Variants in RBPMS observed in about 807,000 individuals in gnomAD.
RBPMS encodes the protein RNA-binding protein with multiple splicing.
RBPMS carries 7 observed loss-of-function variants against 26.8 expected under a neutral mutation model. The ratio of observed to expected loss-of-function variants is 0.26; its 90% CI spans 0.15 to 0.49. The LOEUF is 0.49. Among genes scored for constraint, RBPMS ranks in the 20% least tolerant of loss-of-function variants. The pLI is 0.98. For synonymous variants in RBPMS, 96 were observed against 93.3 expected (o/e 1.03, Z -0.17); for missense variants, 186 against 250.0 (o/e 0.74, Z 1.73).
At chr8:30,490,285 TATTGTA>T (rs1819248988) in intron 4 of RBPMS, among the ~76,000 whole-genome samples, 2 of 152,208 alleles carry the variant, frequency 1.3e-5, no homozygotes, top group Non-Finnish European at 1.5e-5. Context: ...GCCTATAAAA[TATTGTA>T]ACCTGAACAA....
intron 4 of RBPMS, among the ~76,000 whole-genome samples, chr8:30,479,987 A>G (rs1818107417): frequency 6.6e-6 from 1 of 151,796 alleles, no homozygotes; most frequent in Non-Finnish European, 1.5e-5. Flanking sequence ...GACTTTTACC[A>G]GTATTGTTTT....
chr8:30,546,768 T>C (rs1825897945), intron 6 of RBPMS, among the ~76,000 whole-genome samples: 1 of 152,224 alleles, frequency 6.6e-6, no homozygotes, highest in South Asian at 2.1e-4. Context: ...TTAAATGTAT[T>C]TGTCCAGTAT....
Position 30,520,367 on chromosome 8 carries a change from C to G in RBPMS, c.397+15931C>G, listed in dbSNP as rs191250438. Among the ~76,000 whole-genome samples, 292 of 152,102 alleles carry G rather than the reference C, an allele frequency of 1.9e-3. 2 individuals are homozygous for G. Among genetic ancestry groups the G allele is most frequent in the African/African-American group, 6.8e-3 (281 of 41,496 alleles). ...TGTTGCATCGTTGTTGTTATTGTTTCCCCTTTCCCTACTTTTGAGTATCAT... is the reference window on the plus strand; with the variant it reads ...TGTTGCATCGTTGTTGTTATTGTTTGCCCTTTCCCTACTTTTGAGTATCAT... On this transcript the variant is annotated intron_variant, in intron 5 of 8. Coordinates refer to ENST00000397323, the MANE Select transcript of RBPMS (RefSeq NM_001008710.3).
intron 7 of RBPMS, among the ~76,000 whole-genome samples, chr8:30,561,146 A>G (rs1341208766): frequency 2.0e-5 from 3 of 152,146 alleles, no homozygotes; most frequent in African/African-American, 4.8e-5. Context: ...GTGAATTCTA[A>G]AAGTTTGCTT....
At chr8:30,565,090 CTGAT>C (rs1455129484) in intron 7 of RBPMS, 1 of 152,162 alleles carries the variant, frequency 6.6e-6, no homozygotes, top group Non-Finnish European at 1.5e-5. Flanking sequence ...GTTGGGTGAG[CTGAT>C]TGATAGGTTT....
chr8:30,386,446 A>C (rs189677791), intron 1 of RBPMS, among the ~76,000 whole-genome samples: 15 of 152,358 alleles, frequency 9.8e-5, no homozygotes, highest in African/African-American at 3.4e-4. Flanking sequence ...GAAAACCTAA[A>C]TGAATTGCAG....
At chr8:30,453,652 A>T (rs1814866490) in intron 1 of RBPMS, 1 of 152,170 alleles carries the variant, frequency 6.6e-6, no homozygotes, top group African/African-American at 2.4e-5. Context: ...TCTGTTTCTT[A>T]TACAAAAGGG....
At chr8:30,489,741 C>CTA (rs1819187685) in intron 4 of RBPMS, among the ~76,000 whole-genome samples, 1 of 152,148 alleles carries the variant, frequency 6.6e-6, no homozygotes, top group Non-Finnish European at 1.5e-5. Context: ...CCGTGCCTGG[C>CTA]TAAAGTCTTT....
chr8:30,434,486 T>C (rs1425966226), intron 1 of RBPMS, among the ~76,000 whole-genome samples: 2 of 151,964 alleles, frequency 1.3e-5, no homozygotes, highest in African/African-American at 4.8e-5. Flanking sequence ...GGTGGATCAC[T>C]TGAGGTCAGA....
intron 5 of RBPMS, among the ~76,000 whole-genome samples, chr8:30,507,220 T>C (rs1821162634): frequency 6.6e-6 from 1 of 152,218 alleles, no homozygotes; most frequent in Non-Finnish European, 1.5e-5. Context: ...CTGCCAATTA[T>C]TGACAAGCTT....
intron 1 of RBPMS, among the ~76,000 whole-genome samples, chr8:30,425,651 C>T (rs763597759): frequency 5.3e-5 from 8 of 152,004 alleles, no homozygotes; most frequent in African/African-American, 1.7e-4. Flanking sequence ...CTGCCCACCT[C>T]GGCCTCCCAG....
intron 1 of RBPMS, among the ~76,000 whole-genome samples, chr8:30,388,468 CT>C (rs372852945): frequency 2.5e-5 from 3 of 121,700 alleles, no homozygotes; most frequent in African/African-American, 3.0e-5. Context: ...TAACTTATAA[CT>C]TATAGCTATA....
At chr8:30,507,747 T>G (rs1053660614) in intron 5 of RBPMS, among the ~76,000 whole-genome samples, 1 of 152,234 alleles carries the variant, frequency 6.6e-6, no homozygotes, top group East Asian at 1.9e-4. Flanking sequence ...GAATGTAGTA[T>G]TCTATAATAA....
chr8:30,495,828 C>CA (rs140485622), intron 4 of RBPMS, among the ~76,000 whole-genome samples: 3,682 of 152,276 alleles, frequency 0.024, 143 homozygotes, highest in African/African-American at 0.084. Flanking sequence ...CATCACAATG[C>CA]AAACTGAACA....
Position 30,515,613 on chromosome 8 carries a change from T to C in RBPMS, c.397+11177T>C, listed in dbSNP as rs1021701455. Among the ~76,000 whole-genome samples, 18 of 152,234 alleles carry C rather than the reference T, an allele frequency of 1.2e-4. 2 individuals carry two copies. The highest frequency in any genetic ancestry group is 9.8e-4 in the Admixed American group (15 of 15,280). On this transcript the variant is annotated intron_variant, in intron 5 of 8. Coordinates refer to ENST00000397323, the MANE Select transcript of RBPMS (RefSeq NM_001008710.3). ...AAAGTTTTATCTTTTTTTCTAAATATGTAGATTTCACTAAAATATTTTAAA... is the reference window on the plus strand; with the variant it reads ...AAAGTTTTATCTTTTTTTCTAAATACGTAGATTTCACTAAAATATTTTAAA...
intron 1 of RBPMS, among the ~76,000 whole-genome samples, chr8:30,393,577 C>T (rs1808044968): frequency 6.6e-6 from 1 of 151,412 alleles, no homozygotes; most frequent in Admixed American, 6.6e-5. Flanking sequence ...GCCTGGAGTG[C>T]AGTGGCGCCA....
At chr8:30,441,284 T>G (rs1215305594) in intron 1 of RBPMS, among the ~76,000 whole-genome samples, 1 of 151,910 alleles carries the variant, frequency 6.6e-6, no homozygotes, top group Non-Finnish European at 1.5e-5. Flanking sequence ...TGTTTTGGGG[T>G]TTTTAAACTT....
chr8:30,532,352 ATTAT>A (rs1824313005), intron 5 of RBPMS, among the ~76,000 whole-genome samples: 1 of 152,206 alleles, frequency 6.6e-6, no homozygotes, highest in African/African-American at 2.4e-5. Context: ...CAGAGACAAC[ATTAT>A]TTATACCCCC....
At chr8:30,452,570 T>C (rs1814715797) in intron 1 of RBPMS, among the ~76,000 whole-genome samples, 1 of 152,196 alleles carries the variant, frequency 6.6e-6, no homozygotes, top group Admixed American at 6.5e-5. Flanking sequence ...AGTGAGTGCA[T>C]AGGGAGGATC....
Sources: gnomAD v4.1 joint callset for allele counts (sites outside exome capture counted in the v4.1 genomes callset) on GRCh38, gnomAD v4.1.1 for gene constraint, MANE v1.5 for transcripts, NCBI Gene and HGNC (gene_info 2026-07-23, HGNC 2026-07-21) for gene names.